The following CAMK4 variants were observed in gnomAD, a reference collection of about 807,000 sequenced individuals.
CAMK4 encodes the protein calcium/calmodulin-dependent protein kinase type IV.
In CAMK4, 22 loss-of-function variants were observed where a neutral mutation model predicts 44.9. The observed-to-expected ratio is 0.49, with a 90% CI of 0.35 to 0.70. CAMK4 has a LOEUF of 0.70. Ranked by LOEUF, CAMK4 falls within the 30% of genes least tolerant of loss-of-function variation. The pLI is 0.01. For synonymous variants in CAMK4, 218 were observed against 215.4 expected (o/e 1.01, Z -0.11); for missense variants, 498 against 586.8 (o/e 0.85, Z 1.56).
chr5:111,422,030 A>G (rs1408025244), intron 5 of CAMK4, among the ~76,000 whole-genome samples: 2 of 152,210 alleles, frequency 1.3e-5, no homozygotes, highest in African/African-American at 4.8e-5. Flanking sequence ...CTGTGAGTCC[A>G]TTAAACATCT....
At chr5:111,301,295 A>C (rs1475675765) in intron 1 of CAMK4, among the ~76,000 whole-genome samples, 1 of 152,246 alleles carries the variant, frequency 6.6e-6, no homozygotes, top group African/African-American at 2.4e-5. Context: ...AGAATGATTT[A>C]TATACAGCAA....
At chr5:111,455,353 A>G (rs1754377958) in intron 7 of CAMK4, among the ~76,000 whole-genome samples, 1 of 152,188 alleles carries the variant, frequency 6.6e-6, no homozygotes, top group African/African-American at 2.4e-5. Flanking sequence ...ATTCAGTCTT[A>G]AAAACTCTCA....
At chr5:111,346,070 G>A (rs892700208) in intron 2 of CAMK4, among the ~76,000 whole-genome samples, 2 of 151,946 alleles carry the variant, frequency 1.3e-5, no homozygotes, top group Admixed American at 1.3e-4. Flanking sequence ...ATGTGTAAAC[G>A]AGAGAAATAG....
At chr5:111,425,318 G>A (rs911605285) in intron 5 of CAMK4, among the ~76,000 whole-genome samples, 21 of 152,282 alleles carry the variant, frequency 1.4e-4, no homozygotes, top group Admixed American at 4.6e-4. Context: ...TTGTGAGGTC[G>A]TAAAATATAG....
In CAMK4 at chr5:111,484,213, C is replaced by T. The variant is rs1755532814; in HGVS notation, c.1169C>T (p.Ala390Val). Residue 390 changes from alanine to valine, a missense_variant, in exon 11 of 11, where the codon GCA (alanine) becomes GTA (valine). By Grantham distance (64) the Ala-to-Val change is moderately conservative. Transcript: ENST00000282356. This position sits in a 1 kb window ranked among gnomAD's most constrained non-coding sequence, Gnocchi z 5.3. ...GGGGCCCAAGCCGCAGTTAAGGGGG[C>T]ACAGGCTGAGCTGATGAAGGTGCAA... is the stretch of plus-strand genomic sequence containing the variant. ...GDGAQAAVKG[A>V]QAELMKVQAL... The T allele has an allele frequency of 6.2e-7, 1 of 1,613,996 alleles. No homozygotes were observed. Among genetic ancestry groups the T allele is most frequent in the Non-Finnish European group, 8.5e-7 (1 of 1,179,940 alleles).
At chr5:111,240,002 T>C (rs1202918805) in intron 1 of CAMK4, among the ~76,000 whole-genome samples, 1 of 152,166 alleles carries the variant, frequency 6.6e-6, no homozygotes, top group Admixed American at 6.6e-5. Flanking sequence ...GAAAAGAAGG[T>C]GTAGTATAAC....
intron 1 of CAMK4, among the ~76,000 whole-genome samples, chr5:111,275,770 A>G (rs1237425172): frequency 1.3e-5 from 2 of 152,160 alleles, no homozygotes; most frequent in Admixed American, 1.3e-4. Flanking sequence ...AATAACTAGA[A>G]GAGAAAAACT....
At chr5:111,376,204 T>G (rs1380046669) in intron 3 of CAMK4, among the ~76,000 whole-genome samples, 1 of 151,958 alleles carries the variant, frequency 6.6e-6, no homozygotes, top group African/African-American at 2.4e-5. Flanking sequence ...GATAAGTCAA[T>G]GTAGAATTTT....
intron 1 of CAMK4, among the ~76,000 whole-genome samples, chr5:111,288,909 A>C (rs1287022999): frequency 6.6e-6 from 1 of 152,244 alleles, no homozygotes; most frequent in African/African-American, 2.4e-5. Context: ...AGAAAGGGGA[A>C]ATATTTATCA....
intron 7 of CAMK4, among the ~76,000 whole-genome samples, chr5:111,467,284 T>G (rs1350150732): frequency 6.7e-6 from 1 of 148,972 alleles, no homozygotes; most frequent in East Asian, 2.0e-4. Context: ...AGGCAAAGAC[T>G]TCATGACCAA....
intron 1 of CAMK4, among the ~76,000 whole-genome samples, chr5:111,250,582 CT>C (rs1749442913): frequency 6.6e-6 from 1 of 152,284 alleles, no homozygotes; most frequent in Admixed American, 6.5e-5. Flanking sequence ...ACTGTTTCTC[CT>C]TCTTAGAATG....
chr5:111,469,157 AAAAAAAAAAAAAAAAATATATATAT>A (rs1260523931), intron 7 of CAMK4, among the ~76,000 whole-genome samples: 7 of 79,192 alleles, frequency 8.8e-5, no homozygotes, highest in African/African-American at 2.6e-4. Context: ...AAAAAAAAAA[AAAAAAAAAAAAAAAAATATATATAT>A]ATATATATAT....
intron 2 of CAMK4, among the ~76,000 whole-genome samples, chr5:111,366,673 C>A (rs1036374419): frequency 6.6e-6 from 1 of 152,098 alleles, no homozygotes; most frequent in Non-Finnish European, 1.5e-5. Context: ...TTTCATCAAT[C>A]CCATTCCAGT....
chr5:111,477,970 A>G (rs1217487288), intron 8 of CAMK4, among the ~76,000 whole-genome samples: 3 of 152,088 alleles, frequency 2.0e-5, no homozygotes, highest in African/African-American at 7.2e-5. Context: ...ACTAAATTGG[A>G]AGTCTATTCA....
At chr5:111,380,706 T>TG (rs1458851375) in intron 4 of CAMK4, among the ~76,000 whole-genome samples, 1 of 152,176 alleles carries the variant, frequency 6.6e-6, no homozygotes, top group African/African-American at 2.4e-5. Flanking sequence ...TTTCTTTCTG[T>TG]GTTTTTGCTT....
At chr5:111,259,158 T>C (rs1291624919) in intron 1 of CAMK4, among the ~76,000 whole-genome samples, 1 of 152,218 alleles carries the variant, frequency 6.6e-6, no homozygotes, top group Non-Finnish European at 1.5e-5. Context: ...TTGTTTTCTT[T>C]ATCTTCCCTA....
chr5:111,424,099 G>A (rs1240405823), intron 5 of CAMK4, among the ~76,000 whole-genome samples: 4 of 152,162 alleles, frequency 2.6e-5, no homozygotes, highest in African/African-American at 9.7e-5. Flanking sequence ...ACTATGCCCT[G>A]CTATAGACTA....
intron 5 of CAMK4, among the ~76,000 whole-genome samples, chr5:111,443,790 C>T (rs187426020): frequency 6.6e-6 from 1 of 152,264 alleles, no homozygotes; most frequent in Non-Finnish European, 1.5e-5. Context: ...TTCTTCTCAA[C>T]ACAATGGAGT....
At chr5:111,405,833 G>A (rs184627571) in intron 5 of CAMK4, among the ~76,000 whole-genome samples, 18 of 152,246 alleles carry the variant, frequency 1.2e-4, no homozygotes, top group Non-Finnish European at 1.5e-5. Context: ...TGAAAAGCAC[G>A]ACCTTCCCCT....
Sources: allele counts gnomAD v4.1 joint callset (sites outside exome capture counted in the v4.1 genomes callset), GRCh38; gene constraint gnomAD v4.1.1; non-coding constraint Gnocchi (gnomAD v3.1); transcripts MANE v1.5; gene names NCBI Gene and HGNC (gene_info 2026-07-23, HGNC 2026-07-21).